PKP2: variants seen among roughly 807,000 people sequenced by gnomAD.
PKP2 encodes the protein plakophilin 2.
A neutral mutation model predicts 83.4 loss-of-function variants in PKP2; 73 were observed. That is an observed-to-expected ratio of 0.88 (90% CI 0.72 to 1.06). The LOEUF is 1.06. Ranked by LOEUF, PKP2 falls within the 50% of genes least tolerant of loss-of-function variation. PKP2 has a pLI of 0.00. For synonymous variants in PKP2, 409 were observed against 430.4 expected, an observed-to-expected ratio of 0.95 and a Z score of 0.62; for missense variants, 966 against 1,065.4, an observed-to-expected ratio of 0.91 and a Z score of 1.30.
chr12:32,818,785 C>T (rs10743804), intron 9 of PKP2, among the ~76,000 whole-genome samples: 58,026 of 151,996 alleles, frequency 0.38, 13,130 homozygotes, highest in Non-Finnish European at 0.52. Flanking sequence ...ATCTCAGTTA[C>T]GATCACATGG....
At chr12:32,837,679 A>G (rs1222454009) in intron 6 of PKP2, among the ~76,000 whole-genome samples, 1 of 152,176 alleles carries the variant, frequency 6.6e-6, no homozygotes, top group Non-Finnish European at 1.5e-5. Flanking sequence ...TTCAGCTACT[A>G]TATGTTCTGA....
In PKP2 at chr12:32,839,061, C is replaced by A. The variant is rs1350580231; in HGVS notation, c.1556+1967G>T. Among the ~76,000 whole-genome samples, 4 of 152,098 alleles carry A rather than the reference C, an allele frequency of 2.6e-5. No individual in the cohort carries two copies. In the East Asian group the frequency reaches 5.8e-4, roughly 22 times the overall value. On this transcript the variant is annotated intron_variant, in intron 6 of 12. Transcript: ENST00000340811. ...AAGTACTATGACATCTAAGGAAAAG[C>A]AAGCACTTTGGTGGGTGTGAAGTAT... is the stretch of plus-strand genomic sequence containing the variant.
intron 9 of PKP2, chr12:32,820,869 A>T (rs1368124470): frequency 5.5e-6 from 1 of 183,286 alleles, no homozygotes; most frequent in Non-Finnish European, 1.2e-5. Context: ...TATTGGGAAA[A>T]TGGTAGTTTG....
chr12:32,852,901 G>C (rs568120692), intron 4 of PKP2, among the ~76,000 whole-genome samples: 1 of 152,252 alleles, frequency 6.6e-6, no homozygotes, highest in Admixed American at 6.5e-5. Context: ...GGCCAACATA[G>C]TGAAACCCCA....
In PKP2 at chr12:32,837,518, A is replaced by C. The variant is rs1368081347; in HGVS notation, c.1556+3510T>G. Among the ~76,000 whole-genome samples the C allele has an allele frequency of 2.0e-5, 3 of 152,354 alleles. No individual in the cohort carries two copies. The East Asian group carries it at 5.8e-4, about 29-fold the overall frequency. On this transcript the variant is annotated intron_variant, in intron 6 of 12. Transcript: ENST00000340811. ...GTTATAAATTAGATATACAGATGAA[A>C]TCGGAATGGACAGTTTAGTAAGCAT...
At chr12:32,812,114 T>TGGAGGG in intron 9 of PKP2, among the ~76,000 whole-genome samples, 1 of 16,172 alleles carries the variant, frequency 6.2e-5, no homozygotes, top group Admixed American at 6.0e-4. Context: ...CTGGGAGGGT[T>TGGAGGG]TTTTTTTTTT....
chr12:32,895,192 C>CATATATAT (rs371098176), intron 1 of PKP2, among the ~76,000 whole-genome samples: 3 of 150,082 alleles, frequency 2.0e-5, no homozygotes, highest in African/African-American at 7.3e-5. Flanking sequence ...TTTTTAAATA[C>CATATATAT]ATATATATAT....
intron 6 of PKP2, among the ~76,000 whole-genome samples, chr12:32,830,538 GA>G: frequency 6.6e-6 from 1 of 152,040 alleles, no homozygotes. Flanking sequence ...AAAATTAATG[GA>G]AAAAAGCTAT....
intron 4 of PKP2, among the ~76,000 whole-genome samples, chr12:32,859,266 T>C (rs942015214): frequency 1.3e-5 from 2 of 152,320 alleles, no homozygotes; most frequent in African/African-American, 4.8e-5. Flanking sequence ...TAGTGATGGA[T>C]AGAATTAATG....
At chr12:32,871,489 G>A (rs1366675814) in intron 3 of PKP2, among the ~76,000 whole-genome samples, 3 of 151,252 alleles carry the variant, frequency 2.0e-5, no homozygotes, top group Admixed American at 6.6e-5. Context: ...TTTTTGAGAC[G>A]GAGTCTTGCT....
chr12:32,853,289 T>C (rs1210590714), intron 4 of PKP2, among the ~76,000 whole-genome samples: 1 of 151,362 alleles, frequency 6.6e-6, no homozygotes, highest in Non-Finnish European at 1.5e-5. Context: ...GCTCAACCAA[T>C]GTAATGCGAA....
chr12:32,869,499 T>C (rs1267431784), intron 3 of PKP2, among the ~76,000 whole-genome samples: 2 of 150,592 alleles, frequency 1.3e-5, no homozygotes, highest in Non-Finnish European at 2.9e-5. Context: ...CTCAGGAGGC[T>C]GAGGCAGGAG....
rs1253660240 is a variant in PKP2 at position 32,813,784 on chromosome 12, G to GA, written c.2013+7571dup. On this transcript the variant is annotated intron_variant, in intron 9 of 12. Transcript: ENST00000340811. ...GTGACAAAGCAAGACCTCATCTTGG[G>GA]AAAAAAAAAAAATAAGGAGGAAGAA... is the stretch of plus-strand genomic sequence containing the variant. 4.1e-3 allele frequency among the ~76,000 whole-genome samples: 539 copies of GA among 131,412 alleles called. 3 individuals are homozygous for GA. Among genetic ancestry groups the GA allele is most frequent in the African/African-American group, 0.013 (469 of 35,562 alleles). 86.2% of individuals were successfully genotyped at this position (131,412 alleles called of 152,430 possible).
chr12:32,845,950 T>C (rs1181686010), intron 5 of PKP2, among the ~76,000 whole-genome samples: 2 of 152,132 alleles, frequency 1.3e-5, no homozygotes, highest in Admixed American at 1.3e-4. Context: ...ACATTACGAA[T>C]GCGGAATAAA....
intron 4 of PKP2, among the ~76,000 whole-genome samples, chr12:32,852,659 G>A (rs181347495): frequency 1.6e-4 from 24 of 152,276 alleles, no homozygotes; most frequent in South Asian, 1.2e-3. Flanking sequence ...TTCACTGGAC[G>A]TAATAAGGAG....
Position 32,792,695 on chromosome 12 carries a change from G to T in PKP2, c.2394C>A (p.Val798=). 3 of 1,614,118 alleles carry T rather than the reference G, an allele frequency of 1.9e-6. No individual in the cohort carries two copies. The highest frequency in any genetic ancestry group is 1.1e-5 in the South Asian group (1 of 91,072). Residue 798 remains valine, a synonymous_variant, in exon 12 of 13, where the codon GTC becomes GTA. Transcript: ENST00000340811. ...TGTGTGCCCACAGAGAATACAGAAG[G>T]ACGGAAGCAGCTTTACTTGCTTTGT... The part of the protein sequence containing the change: ...ASNKASKAAS[V]LLYSLWAHTE...
chr12:32,851,769 C>CTTA (rs1956698471), intron 4 of PKP2, among the ~76,000 whole-genome samples: 2 of 152,136 alleles, frequency 1.3e-5, no homozygotes, highest in African/African-American at 4.8e-5. Context: ...CGCCCGGCCA[C>CTTA]TAACCCTAAA....
At position 32,896,494 on chromosome 12, in the gene PKP2, G is replaced by A; in HGVS notation, c.223+15C>T. 6.1e-6 allele frequency: 9 copies of A among 1,465,840 alleles called. No individual in the cohort carries two copies. Among genetic ancestry groups the A allele is most frequent in the Non-Finnish European group, 8.1e-6 (9 of 1,106,946 alleles). The allele number at this position is 1,465,840 out of a possible 1,614,324, so 90.8% of individuals were successfully genotyped here. On this transcript the variant is annotated intron_variant, in intron 1 of 12. Transcript: ENST00000340811. The stretch of plus-strand genomic sequence containing the variant: ...GGGCAGGGGGCGGCGCCGGGGAGCG[G>A]CGGGCTCCACTCACCGTTGCCCACG...
intron 3 of PKP2, among the ~76,000 whole-genome samples, chr12:32,876,003 T>C (rs1956928635): frequency 6.6e-6 from 1 of 151,862 alleles, no homozygotes; most frequent in Non-Finnish European, 1.5e-5. Flanking sequence ...AATAGAAGGG[T>C]TACTGAAGAT....
Sources: gnomAD v4.1 joint callset for allele counts (sites outside exome capture counted in the v4.1 genomes callset) on GRCh38, gnomAD v4.1.1 for gene constraint, MANE v1.5 for transcripts, NCBI Gene and HGNC (gene_info 2026-07-23, HGNC 2026-07-21) for gene names.